The following MYO9A variants were observed in gnomAD, a reference collection of about 807,000 sequenced individuals.
The protein encoded by MYO9A is myosin IXA, also known as unconventional myosin-IXa.
MYO9A carries 103 observed loss-of-function variants against 293.3 expected under a neutral mutation model. That is an observed-to-expected ratio of 0.35 (90% CI 0.30 to 0.41). The LOEUF (loss-of-function observed/expected upper bound fraction) is 0.41. Among genes scored for constraint, MYO9A ranks in the 10% least tolerant of loss-of-function variants. The pLI is 1.00. For synonymous variants in MYO9A, 1,001 were observed against 1,035.7 expected (o/e 0.97, Z 0.64); for missense variants, 2,685 against 3,033.0 (o/e 0.89, Z 2.69).
At chr15:72,096,967 ATGATAAGCTGCTTCTTAC>A (rs1409399783) in intron 1 of MYO9A, among the ~76,000 whole-genome samples, 1 of 152,218 alleles carries the variant, frequency 6.6e-6, no homozygotes, top group African/African-American at 2.4e-5. Context: ...ACATGAACAG[ATGATAAGCTGCTTCTTAC>A]TGATGACCAA....
At chr15:72,113,901 C>G (rs1047967543) in intron 1 of MYO9A, among the ~76,000 whole-genome samples, 2 of 152,076 alleles carry the variant, frequency 1.3e-5, no homozygotes, top group African/African-American at 4.8e-5. Flanking sequence ...TCTTTTAAAA[C>G]GTTTTAAAAC....
At chr15:71,972,561 GGACACCCAGTTGGTGTCC>G (rs2076038792) in intron 12 of MYO9A, among the ~76,000 whole-genome samples, 1 of 152,116 alleles carries the variant, frequency 6.6e-6, no homozygotes, top group Non-Finnish European at 1.5e-5. Context: ...TTGAATTAGA[GGACACCCAGTTGGTGTCC>G]ACTGCTTGCT....
chr15:72,079,381 G>A (rs1022329277), intron 1 of MYO9A, among the ~76,000 whole-genome samples: 1 of 151,936 alleles, frequency 6.6e-6, no homozygotes, highest in African/African-American at 2.4e-5. Flanking sequence ...TCATCAACCT[G>A]CATACTATAA....
At chr15:72,066,343 G>A (rs1050587034) in intron 1 of MYO9A, among the ~76,000 whole-genome samples, 16 of 152,000 alleles carry the variant, frequency 1.1e-4, no homozygotes, top group African/African-American at 1.7e-4. Flanking sequence ...ATAATTAGCC[G>A]GGCGTGGTGG....
chr15:71,913,507 A>G (rs1449518642), intron 19 of MYO9A, among the ~76,000 whole-genome samples: 1 of 152,232 alleles, frequency 6.6e-6, no homozygotes, highest in Non-Finnish European at 1.5e-5. Context: ...GGGCATATTT[A>G]AAAGATACAT....
intron 2 of MYO9A, 135 bp from the exon 3 acceptor site, chr15:72,032,723 T>C (rs2077913169): frequency 6.1e-6 from 3 of 487,886 alleles, no homozygotes; most frequent in Non-Finnish European, 1.0e-5. Flanking sequence ...TTTGCTTGTA[T>C]GTTCAGACTC....
At chr15:71,984,048 C>T (rs1029227302) in intron 11 of MYO9A, among the ~76,000 whole-genome samples, 2 of 152,178 alleles carry the variant, frequency 1.3e-5, no homozygotes, top group East Asian at 1.9e-4. Flanking sequence ...CCCTGACTTA[C>T]GATGATTCAA....
rs755561756 is a variant in MYO9A at position 71,834,272 on chromosome 15, A to G, written c.6838-3961T>C. On this transcript the variant is annotated intron_variant, in intron 39 of 41. Coordinates refer to ENST00000356056, the MANE Select transcript of MYO9A (RefSeq NM_006901.4). ...TATGAAAATCTAATTAATACCATCA[A>G]TGAAGAAATTAGGAATGTGAATAAT... is the stretch of plus-strand genomic sequence containing the variant. Among the ~76,000 whole-genome samples, 29 of 152,158 alleles carry G rather than the reference A, an allele frequency of 1.9e-4. 2 individuals are homozygous for G. Among genetic ancestry groups the G allele is most frequent in the Non-Finnish European group, 3.7e-4 (25 of 68,032 alleles).
At chr15:71,973,174 G>A (rs1481789526) in intron 12 of MYO9A, among the ~76,000 whole-genome samples, 1 of 152,148 alleles carries the variant, frequency 6.6e-6, no homozygotes. Flanking sequence ...GTACCTCTGA[G>A]ACATGTGGTT....
intron 2 of MYO9A, among the ~76,000 whole-genome samples, chr15:72,036,978 C>T (rs2078066982): frequency 6.6e-6 from 1 of 151,672 alleles, no homozygotes; most frequent in South Asian, 2.1e-4. Flanking sequence ...AGTGATCCAC[C>T]TACCTGAGCC....
intron 1 of MYO9A, among the ~76,000 whole-genome samples, chr15:72,051,282 G>A (rs924442920): frequency 1.1e-4 from 17 of 152,194 alleles, no homozygotes; most frequent in African/African-American, 3.9e-4. Context: ...TGGGGGAGGT[G>A]CAGCCAGGAC....
chr15:72,074,859 A>C (rs1024068931), intron 1 of MYO9A, among the ~76,000 whole-genome samples: 1 of 151,906 alleles, frequency 6.6e-6, no homozygotes, highest in African/African-American at 2.4e-5. Flanking sequence ...ATTCCATGTC[A>C]GAATTAATAG....
At chr15:71,926,380 A>G (rs780569003) in intron 18 of MYO9A, among the ~76,000 whole-genome samples, 2 of 152,154 alleles carry the variant, frequency 1.3e-5, no homozygotes, top group Non-Finnish European at 2.9e-5. Flanking sequence ...ACAGGGCAAC[A>G]TAATGAGACC....
intron 32 of MYO9A, among the ~76,000 whole-genome samples, chr15:71,869,754 AAGT>A (rs1159581427): frequency 6.6e-6 from 1 of 152,188 alleles, no homozygotes; most frequent in Non-Finnish European, 1.5e-5. Flanking sequence ...CTGCTAGAAC[AAGT>A]TGGTAGAGAG....
chr15:72,115,885 CATT>C (rs1300568178), intron 1 of MYO9A, among the ~76,000 whole-genome samples: 1 of 152,012 alleles, frequency 6.6e-6, no homozygotes, highest in African/African-American at 2.4e-5. Flanking sequence ...AAGCATGTAA[CATT>C]GTTGGTAAAA....
At chr15:71,854,665 G>A (rs1305892219) in intron 34 of MYO9A, 96 bp from the exon 35 acceptor site, 2 of 934,556 alleles carry the variant, frequency 2.1e-6, no homozygotes, top group East Asian at 2.7e-5. Context: ...TTATTTCTCT[G>A]AAGTTTTATG....
Position 71,935,383 on chromosome 15 carries a change from G to T in MYO9A, c.2480C>A (p.Ser827Ter), listed in dbSNP as rs747516947. The change falls in exon 17 of 42, where the codon TCA becomes TAA. Residue 827 changes from serine to a stop codon, truncating the protein, a stop_gained. Coordinates refer to ENST00000356056, the MANE Select transcript of MYO9A (RefSeq NM_006901.4). LOFTEE classifies it high-confidence loss of function. ...TCTCTCCAGGAGTTTGCTGCTAGTT[G>T]AATTAGCAAATATTCCATCTTTATC... ...LLDKDGIFAN[S>*]TSSKLLERAH... 1.2e-6 allele frequency: 2 copies of T among 1,613,416 alleles called. No homozygotes were observed. The highest frequency in any genetic ancestry group is 2.7e-5 in the African/African-American group (2 of 74,900).
chr15:71,966,956 G>A (rs2075894416), intron 13 of MYO9A, among the ~76,000 whole-genome samples: 1 of 151,992 alleles, frequency 6.6e-6, no homozygotes, highest in Non-Finnish European at 1.5e-5. Flanking sequence ...ACTCTCCTTA[G>A]TTCATTATAA....
chr15:72,006,302 G>T (rs766811590), intron 8 of MYO9A, among the ~76,000 whole-genome samples: 9 of 152,008 alleles, frequency 5.9e-5, no homozygotes, highest in Non-Finnish European at 1.2e-4. Context: ...GTCTCCCTAT[G>T]TTGCCCAGGC....
Sources: gnomAD v4.1 joint callset for allele counts (sites outside exome capture counted in the v4.1 genomes callset) on GRCh38, gnomAD v4.1.1 for gene constraint, MANE v1.5 for transcripts, NCBI Gene and HGNC (gene_info 2026-07-23, HGNC 2026-07-21) for gene names.